The following MAGI2 variants were observed in gnomAD, a reference collection of about 807,000 sequenced individuals.
MAGI2 encodes membrane-associated guanylate kinase, WW and PDZ domain-containing protein 2.
Under a neutral mutation model 133.3 loss-of-function variants are expected in MAGI2, and 35 were observed. The ratio of observed to expected loss-of-function variants is 0.26; its 90% CI spans 0.20 to 0.35. MAGI2 has a LOEUF of 0.35. Among genes scored for constraint, MAGI2 ranks in the 10% least tolerant of loss-of-function variants. The pLI, the probability that MAGI2 is intolerant of heterozygous loss-of-function variation, is 1.00. For missense variants in MAGI2, 1,636 were observed against 1,863.4 expected (o/e 0.88, Z 2.25); for synonymous variants, 729 against 710.6 (o/e 1.03, Z -0.41).
At chr7:79,094,728 G>T (rs1490694314) in intron 1 of MAGI2, among the ~76,000 whole-genome samples, 3 of 152,210 alleles carry the variant, frequency 2.0e-5, no homozygotes, top group Non-Finnish European at 2.9e-5. Context: ...CTCTACAAGA[G>T]GTTTTGGGTG....
intron 2 of MAGI2, among the ~76,000 whole-genome samples, chr7:78,920,863 C>T (rs1029680112): frequency 7.2e-5 from 11 of 152,102 alleles, no homozygotes; most frequent in Non-Finnish European, 1.5e-4. Context: ...AATTAAGAAA[C>T]AAAATTGAAA....
rs573650558 is a variant in MAGI2 at position 78,442,138 on chromosome 7, T to C, written c.1045+47623A>G. On this transcript the variant is annotated intron_variant, in intron 6 of 21. Coordinates refer to ENST00000354212, the MANE Select transcript of MAGI2 (RefSeq NM_012301.4). The stretch of plus-strand genomic sequence containing the variant: ...TGCTTCTCCTCTGTTTCTTGCTCAA[T>C]TAAATTCAAGGAAGCAGGACTCCAT... Among the ~76,000 whole-genome samples, 5 of 152,302 alleles carry C rather than the reference T, an allele frequency of 3.3e-5. No homozygotes were observed. The East Asian group carries it at 7.7e-4, about 24-fold the overall frequency.
chr7:78,226,583 C>T (rs952977378), intron 10 of MAGI2, among the ~76,000 whole-genome samples: 14 of 152,088 alleles, frequency 9.2e-5, no homozygotes, highest in Non-Finnish European at 8.8e-5. Flanking sequence ...CCTCGGCCTA[C>T]GTGAATGTCT....
chr7:79,409,801 T>C (rs1255837338), intron 1 of MAGI2, among the ~76,000 whole-genome samples: 1 of 152,118 alleles, frequency 6.6e-6, no homozygotes, highest in Non-Finnish European at 1.5e-5. Context: ...ACTAGCATTA[T>C]CACTTGCCTA....
chr7:79,175,482 C>T (rs1217330791), intron 1 of MAGI2, among the ~76,000 whole-genome samples: 1 of 151,798 alleles, frequency 6.6e-6, no homozygotes, highest in Admixed American at 6.6e-5. Context: ...ATCAGTTGTC[C>T]CTATCTAAAT....
At chr7:78,034,956 C>T (rs1362738202) in intron 21 of MAGI2, 1 of 152,294 alleles carries the variant, frequency 6.6e-6, no homozygotes, top group African/African-American at 2.4e-5. Context: ...GTGCCTCCTG[C>T]GTGGTATTTG....
chr7:78,899,614 G>A lies in MAGI2; in HGVS notation c.418+107476C>T, dbSNP rs992613698. 3.9e-5 allele frequency among the ~76,000 whole-genome samples: 6 copies of A among 152,128 alleles called. No individual in the cohort carries two copies. The South Asian group carries it at 8.3e-4, about 21-fold the overall frequency. On this transcript the variant is annotated intron_variant, in intron 2 of 21. Coordinates refer to ENST00000354212, the MANE Select transcript of MAGI2 (RefSeq NM_012301.4). ...AATGATATAATGTGTGTACTGCAGAGGTTGTCAAACCTCAGTGAACATTGG... is the reference window on the plus strand; with the variant it reads ...AATGATATAATGTGTGTACTGCAGAAGTTGTCAAACCTCAGTGAACATTGG...
chr7:79,119,687 G>A (rs975661577), intron 1 of MAGI2, among the ~76,000 whole-genome samples: 3 of 151,972 alleles, frequency 2.0e-5, no homozygotes, highest in Non-Finnish European at 2.9e-5. Context: ...CAATCCCAAC[G>A]CTCATCCCTC....
chr7:78,958,522 A>AATAAC, intron 2 of MAGI2, among the ~76,000 whole-genome samples: 1 of 152,200 alleles, frequency 6.6e-6, no homozygotes, highest in Non-Finnish European at 1.5e-5. Flanking sequence ...AATTATTTTT[A>AATAAC]GACATTATAC....
intron 1 of MAGI2, among the ~76,000 whole-genome samples, chr7:79,050,948 G>A (rs536996697): frequency 2.6e-5 from 4 of 152,200 alleles, no homozygotes; most frequent in South Asian, 4.1e-4. Flanking sequence ...TAAAAAACTC[G>A]GAAAAGAGTA....
intron 2 of MAGI2, among the ~76,000 whole-genome samples, chr7:78,715,392 A>C (rs1467502478): frequency 6.6e-6 from 1 of 152,194 alleles, no homozygotes; most frequent in African/African-American, 2.4e-5. Context: ...TATATTTTTA[A>C]AGTTTCCTTG....
At chr7:79,027,394 C>A (rs944527623) in intron 1 of MAGI2, among the ~76,000 whole-genome samples, 1 of 151,526 alleles carries the variant, frequency 6.6e-6, no homozygotes, top group Non-Finnish European at 1.5e-5. Context: ...GAACTTCTGT[C>A]ATTTGCAGCA....
chr7:79,057,960 G>GT (rs34071701), intron 1 of MAGI2, among the ~76,000 whole-genome samples: 46,641 of 145,672 alleles, frequency 0.32, 7,474 homozygotes, highest in South Asian at 0.42. Context: ...GGCTCTATTA[G>GT]TTTTTTTTTT....
intron 2 of MAGI2, among the ~76,000 whole-genome samples, chr7:78,707,322 T>C (rs1250314594): frequency 6.6e-6 from 1 of 152,160 alleles, no homozygotes; most frequent in African/African-American, 2.4e-5. Flanking sequence ...TAACATTTAA[T>C]TGGTGATGTG....
chr7:78,991,162 G>A (rs2116329824), intron 2 of MAGI2, among the ~76,000 whole-genome samples: 1 of 151,962 alleles, frequency 6.6e-6, no homozygotes, highest in Non-Finnish European at 1.5e-5. Context: ...TTGTAAAGAA[G>A]GTGCCTGCTT....
chr7:79,315,455 G>A (rs1159774302), intron 1 of MAGI2, among the ~76,000 whole-genome samples: 4 of 151,450 alleles, frequency 2.6e-5, no homozygotes, highest in African/African-American at 9.7e-5. Flanking sequence ...GATTATAGGT[G>A]TGAGCCACTG....
chr7:78,877,451 A>G (rs1007826246), intron 2 of MAGI2, among the ~76,000 whole-genome samples: 2 of 152,202 alleles, frequency 1.3e-5, no homozygotes, highest in African/African-American at 4.8e-5. Flanking sequence ...TTTTTGAGGT[A>G]GTTTTTTCAT....
At chr7:78,759,218 T>TAA (rs568698060) in intron 2 of MAGI2, among the ~76,000 whole-genome samples, 3 of 151,312 alleles carry the variant, frequency 2.0e-5, no homozygotes, top group African/African-American at 7.3e-5. Context: ...TCAGAAATAA[T>TAA]AAAAAAAAAC....
In MAGI2 at chr7:78,063,821, A is replaced by T. The variant is rs116134196; in HGVS notation, c.3706+15126T>A. Reference sequence around the variant, plus strand: ...TTGCTGATACTATTGATCTTGCCCCATTATGTAATTATCTCCCTGTCTTCC... The same window carrying T: ...TTGCTGATACTATTGATCTTGCCCCTTTATGTAATTATCTCCCTGTCTTCC... On this transcript the variant is annotated intron_variant, in intron 21 of 21. Coordinates refer to ENST00000354212, the MANE Select transcript of MAGI2 (RefSeq NM_012301.4). Among the ~76,000 whole-genome samples the T allele has an allele frequency of 7.5e-3, 1,138 of 152,196 alleles. 13 individuals carry two copies. Among genetic ancestry groups the T allele is most frequent in the African/African-American group, 0.026 (1,084 of 41,508 alleles).
Sources: allele counts gnomAD v4.1 joint callset (sites outside exome capture counted in the v4.1 genomes callset), GRCh38; gene constraint gnomAD v4.1.1; transcripts MANE v1.5; gene names NCBI Gene and HGNC (gene_info 2026-07-23, HGNC 2026-07-21).